The following GPD2 variants were observed in gnomAD, a reference collection of about 807,000 sequenced individuals.
GPD2 encodes the protein glycerol-3-phosphate dehydrogenase, mitochondrial.
A neutral mutation model predicts 82.4 loss-of-function variants in GPD2; 54 were observed. The ratio of observed to expected loss-of-function variants is 0.66; its 90% CI spans 0.53 to 0.82. The LOEUF (loss-of-function observed/expected upper bound fraction) is 0.82. Ranked by LOEUF, GPD2 falls within the 40% of genes least tolerant of loss-of-function variation. The probability of loss-of-function intolerance (pLI) is 0.00; values close to 1 mark genes in which losing one functional copy is unlikely to be tolerated. For missense variants in GPD2, 748 were observed against 896.2 expected, an observed-to-expected ratio of 0.83 and a Z score of 2.11; for synonymous variants, 288 against 306.1, an observed-to-expected ratio of 0.94 and a Z score of 0.62.
At chr2:156,444,352 G>A (rs1682280092) in intron 1 of GPD2, among the ~76,000 whole-genome samples, 1 of 152,066 alleles carries the variant, frequency 6.6e-6, no homozygotes, top group African/African-American at 2.4e-5. Flanking sequence ...CTTTCACTGT[G>A]TTTGCTAGTA....
chr2:156,473,651 G>C (rs996958518), intron 1 of GPD2: 6 of 152,176 alleles, frequency 3.9e-5, no homozygotes, highest in African/African-American at 1.4e-4. Flanking sequence ...ATAGTAAATA[G>C]AACTAGGACT....
chr2:156,487,106 G>A (rs1222764939), intron 2 of GPD2, among the ~76,000 whole-genome samples: 1 of 152,090 alleles, frequency 6.6e-6, no homozygotes, highest in Non-Finnish European at 1.5e-5. Context: ...AGGAGCTTGA[G>A]GCCAGCTTGA....
At chr2:156,498,844 G>A (rs1465233957) in intron 3 of GPD2, among the ~76,000 whole-genome samples, 1 of 152,106 alleles carries the variant, frequency 6.6e-6, no homozygotes, top group Non-Finnish European at 1.5e-5. Context: ...ATAAAGATAA[G>A]AGTAATCTGA....
At chr2:156,520,109 C>T (rs1042457310) in intron 6 of GPD2, among the ~76,000 whole-genome samples, 2 of 152,174 alleles carry the variant, frequency 1.3e-5, no homozygotes, top group African/African-American at 2.4e-5. Flanking sequence ...TGTCTCCAAC[C>T]GTCCAGCTGC....
At chr2:156,474,074 C>T (rs555365866) in intron 1 of GPD2, among the ~76,000 whole-genome samples, 1 of 152,114 alleles carries the variant, frequency 6.6e-6, no homozygotes, top group South Asian at 2.1e-4. Flanking sequence ...TTCTGTCTCC[C>T]AGGCTGGAGT....
At chr2:156,552,882 G>C (rs1169252850) in intron 8 of GPD2, among the ~76,000 whole-genome samples, 1 of 149,392 alleles carries the variant, frequency 6.7e-6, no homozygotes, top group Admixed American at 6.7e-5. Context: ...TTCAGCTTCT[G>C]GTTCCTTATA....
chr2:156,538,478 A>T (rs1573977165), intron 6 of GPD2, among the ~76,000 whole-genome samples: 2 of 81,012 alleles, frequency 2.5e-5, no homozygotes, highest in Admixed American at 2.3e-4. Flanking sequence ...GATTGCTGTT[A>T]AAAAAAAAAA....
chr2:156,481,094 A>G (rs887098386), intron 2 of GPD2, among the ~76,000 whole-genome samples: 2 of 152,092 alleles, frequency 1.3e-5, no homozygotes, highest in African/African-American at 4.8e-5. Context: ...GACTGCCTGC[A>G]TCTAACACCT....
intron 5 of GPD2, among the ~76,000 whole-genome samples, chr2:156,512,811 G>C (rs1021111351): frequency 1.3e-5 from 2 of 152,170 alleles, no homozygotes; most frequent in African/African-American, 4.8e-5. Flanking sequence ...AATGTTTTTA[G>C]AGCTATCCAT....
chr2:156,454,256 T>C (rs150518549), intron 1 of GPD2, among the ~76,000 whole-genome samples: 193 of 152,328 alleles, frequency 1.3e-3, no homozygotes, highest in African/African-American at 4.2e-3. Context: ...ATGTTAACTC[T>C]TTAATCTCTT....
chr2:156,406,119 C>G, the GPD2 span, among the ~76,000 whole-genome samples: 1 of 151,282 alleles, frequency 6.6e-6, no homozygotes, highest in South Asian at 2.1e-4. Context: ...AGGTTACAAA[C>G]TAGCCCTAGG....
chr2:156,493,169 C>T (rs1684244575), intron 2 of GPD2, among the ~76,000 whole-genome samples: 1 of 151,956 alleles, frequency 6.6e-6, no homozygotes, highest in South Asian at 2.1e-4. Flanking sequence ...ACAAAGGAAG[C>T]TAAGAGAGAG....
At chr2:156,495,676 G>A in intron 2 of GPD2, 1 of 430,236 alleles carries the variant, frequency 2.3e-6, no homozygotes, top group Non-Finnish European at 4.7e-6. Context: ...TCATCTGAAT[G>A]AATTGCTAGT....
At chr2:156,521,156 T>A (rs1164922066) in intron 6 of GPD2, among the ~76,000 whole-genome samples, 1 of 152,224 alleles carries the variant, frequency 6.6e-6, no homozygotes, top group Admixed American at 6.5e-5. Flanking sequence ...ATATATGGTC[T>A]GTTCACATAA....
chr2:156,417,898 T>C, the GPD2 span, among the ~76,000 whole-genome samples: 2 of 151,952 alleles, frequency 1.3e-5, no homozygotes, highest in Non-Finnish European at 2.9e-5. Flanking sequence ...AAATAAAGAA[T>C]AACAAGTAAA....
intron 6 of GPD2, among the ~76,000 whole-genome samples, chr2:156,541,944 G>A (rs1686339892): frequency 7.3e-6 from 1 of 137,560 alleles, no homozygotes. Flanking sequence ...AATAGCTAAT[G>A]AATACCCAAA....
intron 6 of GPD2, among the ~76,000 whole-genome samples, chr2:156,549,033 T>A (rs1686653768): frequency 6.6e-6 from 1 of 152,232 alleles, no homozygotes; most frequent in Non-Finnish European, 1.5e-5. Context: ...CTTAATTTCT[T>A]ACCTTTTATG....
chr2:156,551,399 A>C (rs1336499954), intron 8 of GPD2, among the ~76,000 whole-genome samples: 2 of 152,204 alleles, frequency 1.3e-5, no homozygotes, highest in Non-Finnish European at 2.9e-5. Flanking sequence ...AATAAATTAC[A>C]AAAGAAACAT....
intron 3 of GPD2, among the ~76,000 whole-genome samples, 174 bp downstream of exon 3, chr2:156,496,389 T>G (rs1015613516): frequency 2.0e-5 from 3 of 148,482 alleles, no homozygotes; most frequent in African/African-American, 7.4e-5. Context: ...TCCCTCCCCC[T>G]GCCCCACCCC....
Sources: allele counts gnomAD v4.1 joint callset (sites outside exome capture counted in the v4.1 genomes callset), GRCh38; gene constraint gnomAD v4.1.1; transcripts MANE v1.5; gene names NCBI Gene and HGNC (gene_info 2026-07-23, HGNC 2026-07-21).